The following RIMS2 variants were observed in gnomAD, a reference collection of about 807,000 sequenced individuals.
RIMS2 encodes the protein regulating synaptic membrane exocytosis 2.
A neutral mutation model predicts 174.4 loss-of-function variants in RIMS2; 59 were observed. The observed-to-expected ratio is 0.34, with a 90% CI of 0.27 to 0.42. RIMS2 has a LOEUF of 0.42. Ranked by LOEUF, RIMS2 falls within the 10% of genes least tolerant of loss-of-function variation. RIMS2 has a pLI of 1.00. For synonymous variants in RIMS2, 606 were observed against 572.5 expected (o/e 1.06, Z -0.84); for missense variants, 1,620 against 1,666.3 (o/e 0.97, Z 0.48).
At position 103,585,668 on chromosome 8, in the gene RIMS2, A is replaced by G; in HGVS notation, c.176+84606A>G. Among the ~76,000 whole-genome samples the G allele has an allele frequency of 1.3e-5, 2 of 151,950 alleles. 1 individual carries two copies. Among genetic ancestry groups the G allele is most frequent in the Middle Eastern group, 6.3e-3 (2 of 316 alleles). On this transcript the variant is annotated intron_variant, in intron 1 of 23. Coordinates refer to ENST00000504942, the Ensembl canonical transcript of RIMS2. ...AACACCACATGTTCTCATAAGTGGG[A>G]GTTGAACAATGAAAATGCATGAACA...
At chr8:103,674,150 C>A (rs914004963) in intron 1 of RIMS2, among the ~76,000 whole-genome samples, 6 of 152,190 alleles carry the variant, frequency 3.9e-5, no homozygotes, top group Non-Finnish European at 8.8e-5. Flanking sequence ...CCTTGCCAAC[C>A]TTGATTTTAG....
intron 3 of RIMS2, among the ~76,000 whole-genome samples, chr8:103,829,889 G>A (rs368781165): frequency 2.0e-5 from 3 of 152,158 alleles, no homozygotes; most frequent in South Asian, 2.1e-4. Flanking sequence ...CTATGATGAT[G>A]AAAAATAATA....
At chr8:103,749,830 T>A (rs758613599) in intron 2 of RIMS2, among the ~76,000 whole-genome samples, 2 of 152,168 alleles carry the variant, frequency 1.3e-5, no homozygotes, top group Non-Finnish European at 2.9e-5. Flanking sequence ...CTGTTCTAAA[T>A]GAAATTTTAT....
chr8:104,243,142 T>C (rs1399713978), intron 19 of RIMS2, among the ~76,000 whole-genome samples: 1 of 152,236 alleles, frequency 6.6e-6, no homozygotes, highest in African/African-American at 2.4e-5. Flanking sequence ...TTGTTACAGT[T>C]CATATCAGTA....
chr8:104,101,030 TTA>T (rs1483798142), intron 19 of RIMS2, among the ~76,000 whole-genome samples: 2 of 141,382 alleles, frequency 1.4e-5, no homozygotes, highest in South Asian at 2.1e-4. Context: ...GTAATATATG[TTA>T]TATATTATAT....
intron 19 of RIMS2, among the ~76,000 whole-genome samples, chr8:104,114,045 A>G (rs2098240197): frequency 6.6e-6 from 1 of 152,030 alleles, no homozygotes; most frequent in South Asian, 2.1e-4. Flanking sequence ...ATACATTTAG[A>G]TAATTAAAGA....
chr8:104,116,196 G>C (rs975805007), intron 19 of RIMS2, among the ~76,000 whole-genome samples: 1 of 152,150 alleles, frequency 6.6e-6, no homozygotes, highest in African/African-American at 2.4e-5. Flanking sequence ...GTACTCATGT[G>C]TGTACATGTA....
chr8:103,932,863 C>T (rs2080276794), intron 12 of RIMS2, among the ~76,000 whole-genome samples: 1 of 152,098 alleles, frequency 6.6e-6, no homozygotes, highest in East Asian at 1.9e-4. Context: ...CGTAATGTGA[C>T]CCTATCTCTA....
At chr8:103,946,984 G>T (rs2083952422) in intron 14 of RIMS2, among the ~76,000 whole-genome samples, 1 of 152,034 alleles carries the variant, frequency 6.6e-6, no homozygotes, top group African/African-American at 2.4e-5. Flanking sequence ...GCAAATCAAT[G>T]GGGGGGAATA....
chr8:103,548,299 A>T (rs1846029332), intron 1 of RIMS2, among the ~76,000 whole-genome samples: 1 of 152,238 alleles, frequency 6.6e-6, no homozygotes, highest in Non-Finnish European at 1.5e-5. Context: ...ACAGCACATC[A>T]AAAAGCTGAT....
chr8:103,551,746 G>C (rs1848032334), intron 1 of RIMS2, among the ~76,000 whole-genome samples: 1 of 152,162 alleles, frequency 6.6e-6, no homozygotes, highest in South Asian at 2.1e-4. Context: ...AGCAACTTCA[G>C]CAAAGTCTCA....
At chr8:103,867,462 T>C (rs1485640062) in intron 3 of RIMS2, among the ~76,000 whole-genome samples, 1 of 151,892 alleles carries the variant, frequency 6.6e-6, no homozygotes, top group East Asian at 1.9e-4. Context: ...TATATTCAGT[T>C]ACTCTTTGTC....
intron 19 of RIMS2, among the ~76,000 whole-genome samples, chr8:104,056,352 C>T (rs201411953): frequency 6.6e-6 from 1 of 150,998 alleles, no homozygotes; most frequent in South Asian, 2.1e-4. Context: ...TGCAGTGAGC[C>T]GAGATCACGC....
intron 1 of RIMS2, among the ~76,000 whole-genome samples, chr8:103,524,265 A>G (rs1278196177): frequency 6.6e-6 from 1 of 152,122 alleles, no homozygotes; most frequent in Non-Finnish European, 1.5e-5. Context: ...ATTGGAATGG[A>G]TGAATGAGAA....
intron 19 of RIMS2, among the ~76,000 whole-genome samples, chr8:104,163,713 ATG>A (rs1329147018): frequency 6.6e-6 from 1 of 152,212 alleles, no homozygotes; most frequent in East Asian, 1.9e-4. Context: ...TGACATAAGA[ATG>A]TAATTTCTGT....
chr8:103,849,525 G>C (rs1344760140), intron 3 of RIMS2, among the ~76,000 whole-genome samples: 1 of 152,004 alleles, frequency 6.6e-6, no homozygotes, highest in East Asian at 1.9e-4. Flanking sequence ...GTTGTTTTTT[G>C]AGTGTAAATT....
intron 3 of RIMS2, among the ~76,000 whole-genome samples, chr8:103,791,252 A>G (rs180933800): frequency 6.6e-6 from 1 of 152,172 alleles, no homozygotes; most frequent in Non-Finnish European, 1.5e-5. Flanking sequence ...CCAGAAGAGA[A>G]TAGGGGCCAA....
At chr8:103,920,277 A>C (rs1192204314) in intron 9 of RIMS2, among the ~76,000 whole-genome samples, 13 of 152,000 alleles carry the variant, frequency 8.6e-5, no homozygotes, top group Admixed American at 5.9e-4. Context: ...ATGACTTCCA[A>C]GTTTACATTA....
At chr8:104,102,524 TTATAAA>T (rs919285767) in intron 19 of RIMS2, among the ~76,000 whole-genome samples, 3 of 152,210 alleles carry the variant, frequency 2.0e-5, no homozygotes, top group Admixed American at 6.5e-5. Flanking sequence ...AAAAAATAAC[TTATAAA>T]TATAAACTGT....
Sources: gnomAD v4.1 joint callset for allele counts (sites outside exome capture counted in the v4.1 genomes callset) on GRCh38, gnomAD v4.1.1 for gene constraint, MANE v1.5 for transcripts, NCBI Gene and HGNC (gene_info 2026-07-23, HGNC 2026-07-21) for gene names.